OPA1: variants seen among roughly 807,000 people sequenced by gnomAD.
The protein encoded by OPA1 is dynamin-like GTPase OPA1, mitochondrial.
A neutral mutation model predicts 152.9 loss-of-function variants in OPA1; 59 were observed. That is an observed-to-expected ratio of 0.39 (90% CI 0.31 to 0.48). The LOEUF is 0.48. OPA1 is among the 20% of genes least tolerant of loss of function. The pLI is 0.96. For missense variants in OPA1, 1,008 were observed against 1,216.8 expected, an observed-to-expected ratio of 0.83 and a Z score of 2.55; for synonymous variants, 400 against 389.9, an observed-to-expected ratio of 1.03 and a Z score of -0.31.
At chr3:193,606,649 C>T (rs909447403) in intron 1 of OPA1, among the ~76,000 whole-genome samples, 1 of 152,180 alleles carries the variant, frequency 6.6e-6, no homozygotes, top group Non-Finnish European at 1.5e-5. Context: ...GCCACATTTT[C>T]TTAATCCAGT....
chr3:193,622,310 C>T (rs1577181434), intron 6 of OPA1, among the ~76,000 whole-genome samples: 1 of 144,298 alleles, frequency 6.9e-6, no homozygotes, highest in South Asian at 2.2e-4. Flanking sequence ...CCCACTGCAA[C>T]CTCTGCCTCC....
intron 29 of OPA1, among the ~76,000 whole-genome samples, chr3:193,673,543 A>G (rs544177698): frequency 4.7e-4 from 71 of 152,274 alleles, no homozygotes; most frequent in African/African-American, 1.7e-3. Context: ...CCATATTTAG[A>G]GTTTTTCAAT....
intron 29 of OPA1, among the ~76,000 whole-genome samples, chr3:193,670,960 C>T (rs1717791784): frequency 6.6e-6 from 1 of 152,116 alleles, no homozygotes. Flanking sequence ...GTCACAGAAA[C>T]CCTCTGAAGG....
intron 29 of OPA1, among the ~76,000 whole-genome samples, chr3:193,688,460 T>C (rs796874394): frequency 0.02 from 594 of 29,400 alleles, 7 homozygotes; most frequent in African/African-American, 0.084. Context: ...TTTTTTTTTT[T>C]TTTTTTTTTT....
rs557153349 is a variant in OPA1, at chr3:193,644,182, A to C, written c.1608+77A>C. ...TGTGATAGGGATTTGTTATTTAAAA[A>C]AACAACAACAACAACAAAAAAACAC... is the stretch of plus-strand genomic sequence containing the variant. On this transcript the variant is annotated intron_variant, in intron 16 of 30. Coordinates refer to ENST00000361510, the MANE Select transcript of OPA1 (RefSeq NM_130837.3). 598 of 1,515,236 alleles carry C rather than the reference A, an allele frequency of 3.9e-4. 1 individual carries two copies. Among genetic ancestry groups the C allele is most frequent in the East Asian group, 1.2e-3 (54 of 43,844 alleles). 93.9% of individuals were successfully genotyped at this position (1,515,236 alleles called of 1,614,324 possible).
intron 11 of OPA1, among the ~76,000 whole-genome samples, chr3:193,641,260 C>T (rs980915558): frequency 2.0e-5 from 3 of 152,172 alleles, no homozygotes; most frequent in Admixed American, 6.5e-5. Flanking sequence ...AGGCTGGTCT[C>T]TTTCCGGTTT....
rs139934030 is a variant in OPA1, at chr3:193,662,911, C to T, written c.2610C>T (p.Thr870=). 100 of 1,613,588 alleles carry T rather than the reference C, an allele frequency of 6.2e-5. No homozygotes were observed. The African/African-American group carries it at 1.2e-3, about 20-fold the overall frequency. ...CTTATCTTGCAAGTGATGAAATAAC[C>T]ACAGTCCGGAAGAACCTTGAATCCC... ...HPAYLASDEI[T]TVRKNLESRG... is the part of the protein sequence containing the mutation. Residue 870 remains threonine, a synonymous_variant, in exon 26 of 31, where the codon ACC becomes ACT. Coordinates refer to ENST00000361510, the MANE Select transcript of OPA1 (RefSeq NM_130837.3).
At chr3:193,620,015 CTT>C (rs973620908) in intron 6 of OPA1, among the ~76,000 whole-genome samples, 17 of 151,984 alleles carry the variant, frequency 1.1e-4, no homozygotes, top group African/African-American at 3.9e-4. Context: ...TTTTGACCCT[CTT>C]TTGCATTGAC....
chr3:193,611,113 G>A (rs565041447), intron 1 of OPA1, among the ~76,000 whole-genome samples: 60 of 152,236 alleles, frequency 3.9e-4, no homozygotes, highest in African/African-American at 9.6e-4. Context: ...GAAATCACCC[G>A]TTTTCTGCGT....
intron 22 of OPA1, 111 bp downstream of exon 22, chr3:193,655,138 A>T: frequency 1.0e-6 from 1 of 962,218 alleles, no homozygotes; most frequent in Non-Finnish European, 1.6e-6. Flanking sequence ...TTAGGTCTTT[A>T]TATCTCATTT....
At chr3:193,676,790 C>A (rs1424819403) in intron 29 of OPA1, among the ~76,000 whole-genome samples, 1 of 152,048 alleles carries the variant, frequency 6.6e-6, no homozygotes, top group Non-Finnish European at 1.5e-5. Flanking sequence ...ACCATCCTGG[C>A]TAACACAGTG....
intron 21 of OPA1, among the ~76,000 whole-genome samples, chr3:193,654,517 A>G (rs1421195313): frequency 6.6e-6 from 1 of 152,136 alleles, no homozygotes; most frequent in Non-Finnish European, 1.5e-5. Context: ...AAAAAAGTGA[A>G]ATATTAATAC....
At chr3:193,641,053 C>T (rs1454545546) in intron 11 of OPA1, among the ~76,000 whole-genome samples, 1 of 152,012 alleles carries the variant, frequency 6.6e-6, no homozygotes, top group Non-Finnish European at 1.5e-5. Flanking sequence ...GTACATCTAA[C>T]CTAGAGAAAA....
intron 30 of OPA1, among the ~76,000 whole-genome samples, chr3:193,694,178 G>A (rs931436456): frequency 1.3e-5 from 2 of 152,180 alleles, no homozygotes; most frequent in African/African-American, 4.8e-5. Context: ...GATCTGGACA[G>A]ATGATCTGTT....
intron 29 of OPA1, among the ~76,000 whole-genome samples, chr3:193,679,693 C>A (rs1360095151): frequency 6.6e-6 from 1 of 151,994 alleles, no homozygotes; most frequent in Non-Finnish European, 1.5e-5. Context: ...AATTTGGCTT[C>A]TTTTTTATGT....
At chr3:193,659,927 C>CT (rs1385974349) in intron 25 of OPA1, among the ~76,000 whole-genome samples, 1 of 50,952 alleles carries the variant, frequency 2.0e-5, no homozygotes, top group Non-Finnish European at 4.6e-5. Context: ...AGAGGAATCG[C>CT]TTGAGTTAAG....
At chr3:193,625,913 G>C (rs1731042580) in intron 6 of OPA1, 179 bp from the exon 7 acceptor site, 3 of 604,682 alleles carry the variant, frequency 5.0e-6, no homozygotes, top group African/African-American at 1.9e-5. Context: ...CTGATTTACT[G>C]AGGAGGAAAA....
intron 1 of OPA1, among the ~76,000 whole-genome samples, chr3:193,603,938 AG>A (rs1234592283): frequency 2.0e-5 from 3 of 152,334 alleles, no homozygotes; most frequent in Non-Finnish European, 4.4e-5. Flanking sequence ...AGCAGCATTA[AG>A]TAGATTACAG....
intron 1 of OPA1, among the ~76,000 whole-genome samples, chr3:193,611,712 CATTT>C (rs953643143): frequency 2.6e-5 from 4 of 151,858 alleles, no homozygotes; most frequent in African/African-American, 9.7e-5. Context: ...GGATGGAGTC[CATTT>C]ATAAGTAAAG....
Sources: allele counts gnomAD v4.1 joint callset (sites outside exome capture counted in the v4.1 genomes callset), GRCh38; gene constraint gnomAD v4.1.1; transcripts MANE v1.5; gene names NCBI Gene and HGNC (gene_info 2026-07-23, HGNC 2026-07-21).